The following COL5A1 variants were observed in gnomAD, a reference collection of about 807,000 sequenced individuals.
COL5A1 encodes the protein collagen alpha-1(V) chain.
In COL5A1, 16 loss-of-function variants were observed where a neutral mutation model predicts 263.7. That is an observed-to-expected ratio of 0.06 (90% confidence interval 0.04 to 0.09). The LOEUF (loss-of-function observed/expected upper bound fraction) is 0.09. Among genes scored for constraint, COL5A1 ranks in the 10% least tolerant of loss-of-function variants. COL5A1 has a pLI of 1.00. For synonymous variants in COL5A1, 1,012 were observed against 1,004.5 expected, an observed-to-expected ratio of 1.01 and a Z score of -0.14; for missense variants, 2,036 against 2,540.5, an observed-to-expected ratio of 0.80 and a Z score of 4.27.
At position 134,755,843 on chromosome 9, in the gene COL5A1, A is replaced by T. The variant is rs1302815989; in HGVS notation, c.1828-922A>T. 4.6e-5 allele frequency among the ~76,000 whole-genome samples: 7 copies of T among 152,036 alleles called. No homozygotes were observed. Among genetic ancestry groups the T allele is most frequent in the Non-Finnish European group, 1.0e-4 (7 of 68,008 alleles). Reference sequence around the variant, plus strand: ...CTCGGGTGCCACCTTGTCTGTCTCCAGTGCTTTGAGACCCTAAGCTGCCAC... The same window carrying T: ...CTCGGGTGCCACCTTGTCTGTCTCCTGTGCTTTGAGACCCTAAGCTGCCAC... On this transcript the variant is annotated intron_variant, in intron 16 of 65. Coordinates refer to ENST00000371817, the MANE Select transcript of COL5A1 (RefSeq NM_000093.5). The surrounding 1 kb of genome is among the most constrained non-coding windows in gnomAD (Gnocchi z 4.1).
rs191950313 is a variant in COL5A1 at position 134,749,005 on chromosome 9, G to A, written c.1495-1537G>A. ...TGTAATCCCAGCATTTTCGGAGCCC[G>A]AGGCGGGTGGATCACGAGGTCAGGA... On this transcript the variant is annotated intron_variant, in intron 11 of 65. Coordinates refer to ENST00000371817, the MANE Select transcript of COL5A1 (RefSeq NM_000093.5). Among the ~76,000 whole-genome samples the A allele has an allele frequency of 1.5e-4, 23 of 152,358 alleles. No individual in the cohort carries two copies. The East Asian group carries it at 4.2e-3, about 28-fold the overall frequency.
chr9:134,843,511 C>T lies in COL5A1; in HGVS notation c.*1208C>T, dbSNP rs1310210638. 1.3e-5 allele frequency: 2 copies of T among 152,702 alleles called. No homozygotes were observed. Among genetic ancestry groups the T allele is most frequent in the East Asian group, 3.9e-4 (2 of 5,190 alleles). 9.5% of individuals were successfully genotyped at this position (152,702 alleles called of 1,614,324 possible). On this transcript the variant is annotated 3_prime_UTR_variant, in exon 66 of 66. Coordinates refer to ENST00000371817, the MANE Select transcript of COL5A1 (RefSeq NM_000093.5). ...GTTGCCAAGGACTCTAAGATCAATG[C>T]ACGTCACTTTCCTTTCCACTGGGCA...
chr9:134,785,256 A>G (rs929938626), intron 30 of COL5A1, among the ~76,000 whole-genome samples, 160 bp downstream of exon 30: 7 of 151,698 alleles, frequency 4.6e-5, no homozygotes, highest in African/African-American at 9.7e-5. Flanking sequence ...TGCTGTTCCT[A>G]TGAAGCTGTT....
At chr9:134,795,520 G>A (rs532792564) in intron 34 of COL5A1, among the ~76,000 whole-genome samples, 16 of 152,228 alleles carry the variant, frequency 1.1e-4, no homozygotes, top group East Asian at 1.9e-4. Flanking sequence ...GGCTGAGAAC[G>A]ATGGTCATGA....
At chr9:134,792,618 G>A (rs1028646416) in intron 32 of COL5A1, among the ~76,000 whole-genome samples, 1 of 152,158 alleles carries the variant, frequency 6.6e-6, no homozygotes, top group Non-Finnish European at 1.5e-5. Flanking sequence ...GCCCGCCTCA[G>A]CCTCCCAAAG....
intron 4 of COL5A1, among the ~76,000 whole-genome samples, chr9:134,703,668 C>T (rs532241106): frequency 1.3e-4 from 16 of 126,882 alleles, no homozygotes; most frequent in South Asian, 5.3e-4. Context: ...GACGGAGTCT[C>T]GCTCCGTCGC....
chr9:134,713,122 G>A (rs370165313), intron 4 of COL5A1, among the ~76,000 whole-genome samples: 5 of 152,246 alleles, frequency 3.3e-5, no homozygotes, highest in African/African-American at 9.6e-5. Flanking sequence ...GTTTTCCTGC[G>A]AGCTAGCCAC....
chr9:134,715,242 A>T (rs1834220289), intron 4 of COL5A1, among the ~76,000 whole-genome samples: 1 of 152,112 alleles, frequency 6.6e-6, no homozygotes, highest in Non-Finnish European at 1.5e-5. Flanking sequence ...CTGTGCTTTG[A>T]TGTGCACATA....
chr9:134,744,835 ACT>A (rs1220340731), intron 11 of COL5A1, among the ~76,000 whole-genome samples: 1 of 151,468 alleles, frequency 6.6e-6, no homozygotes, highest in East Asian at 1.9e-4. Flanking sequence ...ATGCATGCAC[ACT>A]CATCCATACA....
At chr9:134,781,018 CGGGGCTGGAGTGCGGGTGCTGG>C (rs1770231161) in intron 28 of COL5A1, among the ~76,000 whole-genome samples, 1 of 152,256 alleles carries the variant, frequency 6.6e-6, no homozygotes. Context: ...CGGCGGCCTG[CGGGGCTGGAGTGCGGGTGCTGG>C]CGTGATGGTC....
intron 18 of COL5A1, among the ~76,000 whole-genome samples, chr9:134,761,092 CCCCACACATGCACACA>C (rs1212541888): frequency 8.4e-5 from 12 of 143,132 alleles, no homozygotes; most frequent in African/African-American, 3.1e-4. Context: ...CGTGCACACA[CCCCACACATGCACACA>C]ACCCACACAT....
chr9:134,757,679 C>A lies in COL5A1; in HGVS notation c.1882-564C>A, dbSNP rs906558943. ...TGGCTGAAAGCCTAAAATGTCCCAT[C>A]ATCGACATCACCCCAGATGGTGTGC... On this transcript the variant is annotated intron_variant, in intron 17 of 65. Transcript: ENST00000371817. The surrounding 1 kb of genome is among the most constrained non-coding windows in gnomAD (Gnocchi z 6.2). Among the ~76,000 whole-genome samples the A allele has an allele frequency of 6.6e-5, 10 of 152,218 alleles. No individual in the cohort carries two copies. Among genetic ancestry groups the A allele is most frequent in the Non-Finnish European group, 1.2e-4 (8 of 68,032 alleles).
chr9:134,700,841 C>G lies in COL5A1; in HGVS notation c.492-330C>G, dbSNP rs1025783527. On this transcript the variant is annotated intron_variant, in intron 3 of 65. Transcript: ENST00000371817. The surrounding 1 kb of genome is among the most constrained non-coding windows in gnomAD (Gnocchi z 4.0). The stretch of plus-strand genomic sequence containing the variant: ...CTGTGACCGCACCGCAGGGACCACG[C>G]TCCCAGGGACCACACTCCTGGGTCC... 6.6e-6 allele frequency among the ~76,000 whole-genome samples: 1 copy of G among 152,140 alleles called. No individual in the cohort carries two copies.
chr9:134,840,964 G>T (rs1053049884), intron 65 of COL5A1, among the ~76,000 whole-genome samples: 251 of 152,348 alleles, frequency 1.6e-3, no homozygotes, highest in Non-Finnish European at 2.8e-3. Flanking sequence ...CCTCCCCATA[G>T]GTCAGGGAGC....
At position 134,768,407 on chromosome 9, in the gene COL5A1, T is replaced by C. The variant is rs1366390464; in HGVS notation, c.2233-3T>C. The C allele has an allele frequency of 6.2e-7, 1 of 1,613,894 alleles. No homozygotes were observed. Among genetic ancestry groups the C allele is most frequent in the Non-Finnish European group, 8.5e-7 (1 of 1,179,906 alleles). On this transcript the variant is annotated splice_region_variant and splice_polypyrimidine_tract_variant and intron_variant, in intron 24 of 65. Coordinates refer to ENST00000371817, the MANE Select transcript of COL5A1 (RefSeq NM_000093.5). ...TCCTCATGGAGTCTCTGGTTTGTTC[T>C]AGGGTCCCTTGGGGAAACCAGGCCT...
At chr9:134,812,386 T>C (rs1039775027) in intron 46 of COL5A1, 63 bp from the exon 47 acceptor site, 3 of 1,521,452 alleles carry the variant, frequency 2.0e-6, no homozygotes, top group Non-Finnish European at 1.8e-6. Flanking sequence ...TCGTGAAAGC[T>C]GTGTGTGTGT....
At chr9:134,812,417 C>T in intron 46 of COL5A1, 32 bp from the exon 47 acceptor site, 1 of 1,611,606 alleles carries the variant, frequency 6.2e-7, no homozygotes, top group Non-Finnish European at 8.5e-7. Context: ...CATGACAGAA[C>T]AGCGCTTAAC....
chr9:134,758,180 C>T lies in COL5A1; in HGVS notation c.1882-63C>T. 1 of 1,577,744 alleles carries T rather than the reference C, an allele frequency of 6.3e-7. No homozygotes were observed. Among genetic ancestry groups the T allele is most frequent in the South Asian group, 1.1e-5 (1 of 90,324 alleles). ...CGGGGCGGCCATCACTTGGTGGACA[C>T]CAAGGCGGGGTGTCCACGTGTGCAG... On this transcript the variant is annotated intron_variant, in intron 17 of 65. Transcript: ENST00000371817. The surrounding 1 kb of genome is among the most constrained non-coding windows in gnomAD (Gnocchi z 4.1).
intron 13 of COL5A1, among the ~76,000 whole-genome samples, chr9:134,751,544 G>A (rs1835781049): frequency 6.6e-6 from 1 of 152,158 alleles, no homozygotes; most frequent in African/African-American, 2.4e-5. Flanking sequence ...AAGGAGCAGG[G>A]TCCGCAGAGG....
Sources: allele counts gnomAD v4.1 joint callset (sites outside exome capture counted in the v4.1 genomes callset), GRCh38; gene constraint gnomAD v4.1.1; non-coding constraint Gnocchi (gnomAD v3.1); transcripts MANE v1.5; gene names NCBI Gene and HGNC (gene_info 2026-07-23, HGNC 2026-07-21).